The following AGPAT4 variants were observed in gnomAD, a reference collection of about 807,000 sequenced individuals.
AGPAT4 encodes 1-acyl-sn-glycerol-3-phosphate acyltransferase delta.
In AGPAT4, 15 loss-of-function variants were observed where a neutral mutation model predicts 48.0. The ratio of observed to expected loss-of-function variants is 0.31; its 90% CI spans 0.21 to 0.48. AGPAT4 has a LOEUF of 0.48. AGPAT4 is among the 20% of genes least tolerant of loss of function. The pLI is 0.99. For synonymous variants in AGPAT4, 178 were observed against 198.7 expected, an observed-to-expected ratio of 0.90 and a Z score of 0.88; for missense variants, 314 against 482.5, an observed-to-expected ratio of 0.65 and a Z score of 3.27.
chr6:161,171,266 T>G lies in AGPAT4; in HGVS notation c.179-4849A>C, dbSNP rs1240325579. On this transcript the variant is annotated intron_variant, in intron 2 of 8. Coordinates refer to ENST00000320285, the MANE Select transcript of AGPAT4 (RefSeq NM_020133.3). This position sits in a 1 kb window ranked among gnomAD's most constrained non-coding sequence, Gnocchi z 4.4. ...GGTATTTGCTGTTTGTCTTAGTCCA[T>G]TTTATGCTGCTGTAACAGAATAGTT... 6.6e-6 allele frequency among the ~76,000 whole-genome samples: 1 copy of G among 152,226 alleles called. No homozygotes were observed. Among genetic ancestry groups the G allele is most frequent in the African/African-American group, 2.4e-5 (1 of 41,456 alleles).
In AGPAT4 at chr6:161,226,745, A is replaced by C. The variant is rs1457661108; in HGVS notation, c.178+5291T>G. Among the ~76,000 whole-genome samples the C allele has an allele frequency of 1.3e-5, 2 of 152,220 alleles. No individual in the cohort carries two copies. The highest frequency in any genetic ancestry group is 2.9e-5 in the Non-Finnish European group (2 of 68,046). Reference sequence around the variant, plus strand: ...CAGGATTCCCCACAGAGAGGTTACCATAGAGGAGGCTCCTGAGAGGCCACC... The same window carrying C: ...CAGGATTCCCCACAGAGAGGTTACCCTAGAGGAGGCTCCTGAGAGGCCACC... On this transcript the variant is annotated intron_variant, in intron 2 of 8. Transcript: ENST00000320285. The surrounding 1 kb of genome is among the most constrained non-coding windows in gnomAD (Gnocchi z 6.3).
chr6:161,269,043 A>G (rs1783348982), intron 1 of AGPAT4, among the ~76,000 whole-genome samples: 1 of 152,226 alleles, frequency 6.6e-6, no homozygotes, highest in South Asian at 2.1e-4. Flanking sequence ...TCCAAAGGAC[A>G]TGAGGATATT....
Position 161,270,467 on chromosome 6 carries a change from C to G in AGPAT4, c.-90+3471G>C, listed in dbSNP as rs1315336308. ...CACCAAAGATTTAGAGGTCAAACAC[C>G]ATTCAGAAATGTGAATGTGGGCCAG... On this transcript the variant is annotated intron_variant, in intron 1 of 8. Coordinates refer to ENST00000320285, the MANE Select transcript of AGPAT4 (RefSeq NM_020133.3). This position sits in a 1 kb window ranked among gnomAD's most constrained non-coding sequence, Gnocchi z 5.3. Among the ~76,000 whole-genome samples, 5 of 152,026 alleles carry G rather than the reference C, an allele frequency of 3.3e-5. No homozygotes were observed. The highest frequency in any genetic ancestry group is 7.4e-5 in the Non-Finnish European group (5 of 67,996).
In AGPAT4 at chr6:161,195,102, G is replaced by T. The variant is rs1034686681; in HGVS notation, c.179-28685C>A. Among the ~76,000 whole-genome samples the T allele has an allele frequency of 2.0e-4, 30 of 152,192 alleles. No homozygotes were observed. The highest frequency in any genetic ancestry group is 5.8e-4 in the African/African-American group (24 of 41,522). The stretch of plus-strand genomic sequence containing the variant: ...TACTATTTATTGAGGCCTTTCTGGG[G>T]ATCTCAACATTAAGTACAAAATTAA... On this transcript the variant is annotated intron_variant, in intron 2 of 8. Transcript: ENST00000320285. The surrounding 1 kb of genome is among the most constrained non-coding windows in gnomAD (Gnocchi z 5.0).
chr6:161,194,025 A>ATGCT (rs1204525660), intron 2 of AGPAT4, among the ~76,000 whole-genome samples: 2 of 152,230 alleles, frequency 1.3e-5, no homozygotes, highest in Non-Finnish European at 2.9e-5. Flanking sequence ...GTCTACAGCT[A>ATGCT]TGCTGTCCAC....
In AGPAT4 at chr6:161,264,038, G is replaced by A. The variant is rs960285851; in HGVS notation, c.-90+9900C>T. On this transcript the variant is annotated intron_variant, in intron 1 of 8. Transcript: ENST00000320285. This position sits in a 1 kb window ranked among gnomAD's most constrained non-coding sequence, Gnocchi z 6.8. ...TGGCAACCCACAGGGCTGGGGGCAA[G>A]CTGAAATGAGGTGTTATACAAAGCA... is the stretch of plus-strand genomic sequence containing the variant. Among the ~76,000 whole-genome samples, 1 of 152,170 alleles carries A rather than the reference G, an allele frequency of 6.6e-6. No individual in the cohort carries two copies.
intron 2 of AGPAT4, among the ~76,000 whole-genome samples, chr6:161,173,329 C>A (rs574884855): frequency 5.9e-5 from 9 of 152,142 alleles, no homozygotes; most frequent in Non-Finnish European, 1.0e-4. Flanking sequence ...TTTTAATGAT[C>A]GCCATTCTAA....
intron 1 of AGPAT4, among the ~76,000 whole-genome samples, chr6:161,248,349 C>A (rs555778593): frequency 1.1e-4 from 17 of 151,938 alleles, no homozygotes; most frequent in Admixed American, 2.0e-4. Context: ...CCGAGACGGG[C>A]GGATCATGAG....
intron 2 of AGPAT4, among the ~76,000 whole-genome samples, chr6:161,230,207 G>A (rs1268151652): frequency 1.3e-5 from 2 of 152,048 alleles, no homozygotes; most frequent in Non-Finnish European, 2.9e-5. Flanking sequence ...AAAAAATATA[G>A]TACTCTTGTG....
intron 1 of AGPAT4, among the ~76,000 whole-genome samples, chr6:161,258,184 G>A (rs181152217): frequency 1.3e-5 from 2 of 152,254 alleles, no homozygotes; most frequent in African/African-American, 4.8e-5. Flanking sequence ...AGACCTCAAA[G>A]ACTGAGAGTG....
rs1783042095 is a variant in AGPAT4, at chr6:161,259,573, A to G, written c.-90+14365T>C. On this transcript the variant is annotated intron_variant, in intron 1 of 8. Transcript: ENST00000320285. This position sits in a 1 kb window ranked among gnomAD's most constrained non-coding sequence, Gnocchi z 4.9. ...CTATACTCAATGCAGGAAAGGCTACAGCATTTGCCAGGCCTGGTCAAAATG... is the reference window on the plus strand; with the variant it reads ...CTATACTCAATGCAGGAAAGGCTACGGCATTTGCCAGGCCTGGTCAAAATG... Among the ~76,000 whole-genome samples the G allele has an allele frequency of 6.6e-6, 1 of 152,048 alleles. No individual in the cohort carries two copies. Among genetic ancestry groups the G allele is most frequent in the Non-Finnish European group, 1.5e-5 (1 of 68,010 alleles).
In AGPAT4 at chr6:161,138,300, G is replaced by T. The variant is rs1779141695; in HGVS notation, c.1042+1122C>A. ...ATCTTTCAAAAGACTGTATAGTAGG[G>T]TCTATTTGAGGAACAGGAGCCAGCT... On this transcript the variant is annotated intron_variant, in intron 8 of 8. Transcript: ENST00000320285. The surrounding 1 kb of genome is among the most constrained non-coding windows in gnomAD (Gnocchi z 4.8). 6.6e-6 allele frequency among the ~76,000 whole-genome samples: 1 copy of T among 152,166 alleles called. No homozygotes were observed. The highest frequency in any genetic ancestry group is 1.5e-5 in the Non-Finnish European group (1 of 68,030).
Position 161,134,248 on chromosome 6 carries a change from C to A in AGPAT4, c.*2292G>T, listed in dbSNP as rs1216192990. 1 of 152,126 alleles carries A rather than the reference C, an allele frequency of 6.6e-6. No homozygotes were observed. Among genetic ancestry groups the A allele is most frequent in the African/African-American group, 2.4e-5 (1 of 41,418 alleles). The allele number at this position is 152,126 out of a possible 1,614,324, so 9.4% of individuals were successfully genotyped here. On this transcript the variant is annotated 3_prime_UTR_variant, in exon 9 of 9. Coordinates refer to ENST00000320285, the MANE Select transcript of AGPAT4 (RefSeq NM_020133.3). The stretch of plus-strand genomic sequence containing the variant: ...TGCCTGCATTCCTCCAGCCTGGAAC[C>A]CAAGGCCCTAGCAGGCAGGCTGTTT...
Position 161,158,173 on chromosome 6 carries a change from T to C in AGPAT4, c.349-3863A>G, listed in dbSNP as rs1032664689. ...CTGAAGAGTCACTGTGCACAGACAG[T>C]TGCCCAAGTTAACTCACTTATGACA... On this transcript the variant is annotated intron_variant, in intron 3 of 8. Coordinates refer to ENST00000320285, the MANE Select transcript of AGPAT4 (RefSeq NM_020133.3). This position sits in a 1 kb window ranked among gnomAD's most constrained non-coding sequence, Gnocchi z 5.3. Among the ~76,000 whole-genome samples the C allele has an allele frequency of 2.6e-5, 4 of 152,156 alleles. No individual in the cohort carries two copies. The highest frequency in any genetic ancestry group is 5.9e-5 in the Non-Finnish European group (4 of 68,034).
At chr6:161,163,839 G>A (rs1780009364) in intron 3 of AGPAT4, among the ~76,000 whole-genome samples, 1 of 152,128 alleles carries the variant, frequency 6.6e-6, no homozygotes, top group Non-Finnish European at 1.5e-5. Flanking sequence ...AAGAGAAGAG[G>A]CATCGCCCTG....
At chr6:161,203,377 C>CTTTTTT (rs1781289123) in intron 2 of AGPAT4, among the ~76,000 whole-genome samples, 1 of 77,612 alleles carries the variant, frequency 1.3e-5, no homozygotes, top group South Asian at 4.4e-4. Context: ...TGTTCTTTTT[C>CTTTTTT]TTTCTTTTTT....
intron 2 of AGPAT4, among the ~76,000 whole-genome samples, chr6:161,209,979 G>A (rs1021575512): frequency 2.0e-5 from 3 of 152,006 alleles, no homozygotes; most frequent in African/African-American, 7.3e-5. Context: ...GTTATTCTTG[G>A]ATTTTTAAGG....
Position 161,189,208 on chromosome 6 carries a change from C to T in AGPAT4, c.179-22791G>A, listed in dbSNP as rs765252587. 2.6e-5 allele frequency among the ~76,000 whole-genome samples: 4 copies of T among 152,142 alleles called. No individual in the cohort carries two copies. The highest frequency in any genetic ancestry group is 1.3e-4 in the Admixed American group (2 of 15,280). On this transcript the variant is annotated intron_variant, in intron 2 of 8. Coordinates refer to ENST00000320285, the MANE Select transcript of AGPAT4 (RefSeq NM_020133.3). This position sits in a 1 kb window ranked among gnomAD's most constrained non-coding sequence, Gnocchi z 5.3. Reference sequence around the variant, plus strand: ...TTGCTAAACCCGGATTGTCTGGCAGCCCTGGGAAGACCAAGGCCAGGAATT... The same window carrying T: ...TTGCTAAACCCGGATTGTCTGGCAGTCCTGGGAAGACCAAGGCCAGGAATT...
In AGPAT4 at chr6:161,220,035, A is replaced by T. The variant is rs1781793716; in HGVS notation, c.178+12001T>A. ...CTCAAAATACACAAGGCTTGCTATCACAGTTACATTATTCCTGTTAAAAAA... is the reference window on the plus strand; with the variant it reads ...CTCAAAATACACAAGGCTTGCTATCTCAGTTACATTATTCCTGTTAAAAAA... On this transcript the variant is annotated intron_variant, in intron 2 of 8. Transcript: ENST00000320285. The surrounding 1 kb of genome is among the most constrained non-coding windows in gnomAD (Gnocchi z 6.0). Among the ~76,000 whole-genome samples, 1 of 152,164 alleles carries T rather than the reference A, an allele frequency of 6.6e-6. No individual in the cohort carries two copies. Among genetic ancestry groups the T allele is most frequent in the Admixed American group, 6.5e-5 (1 of 15,282 alleles).
Sources: allele counts gnomAD v4.1 joint callset (sites outside exome capture counted in the v4.1 genomes callset), GRCh38; gene constraint gnomAD v4.1.1; non-coding constraint Gnocchi (gnomAD v3.1); transcripts MANE v1.5; gene names NCBI Gene and HGNC (gene_info 2026-07-23, HGNC 2026-07-21).